FIP1L1: variants seen among roughly 807,000 people sequenced by gnomAD.
FIP1L1 encodes the protein pre-mRNA 3'-end-processing factor FIP1.
Under a neutral mutation model 84.6 loss-of-function variants are expected in FIP1L1, and 21 were observed. The observed-to-expected ratio is 0.25, with a 90% confidence interval of 0.18 to 0.36. The LOEUF (loss-of-function observed/expected upper bound fraction) is 0.36, where lower values mean the gene tolerates loss of function less well. Ranked by LOEUF, FIP1L1 falls within the 10% of genes least tolerant of loss-of-function variation. The probability of loss-of-function intolerance (pLI) is 1.00; values close to 1 mark genes in which losing one functional copy is unlikely to be tolerated. For synonymous variants in FIP1L1, 263 were observed against 242.3 expected, an observed-to-expected ratio of 1.09 and a Z score of -0.80; for missense variants, 526 against 751.1, an observed-to-expected ratio of 0.70 and a Z score of 3.50.
intron 10 of FIP1L1, among the ~76,000 whole-genome samples, chr4:53,400,645 T>G (rs1749731891): frequency 6.6e-6 from 1 of 152,224 alleles, no homozygotes; most frequent in Non-Finnish European, 1.5e-5. Flanking sequence ...TAAGAGACAT[T>G]TTAGAATAAT....
intron 10 of FIP1L1, among the ~76,000 whole-genome samples, chr4:53,409,336 G>A (rs1344300738): frequency 1.3e-5 from 2 of 152,192 alleles, no homozygotes; most frequent in Non-Finnish European, 2.9e-5. Context: ...GAATGCTGCT[G>A]TCTGATCGTT....
Position 53,460,442 on chromosome 4 carries a change from C to T in FIP1L1, c.*993C>T. ...AAGTAATCTTAATTAGTATCACATACTAAAAGACAACTATAACTTCTGAAA... is the reference window on the plus strand; with the variant it reads ...AAGTAATCTTAATTAGTATCACATATTAAAAGACAACTATAACTTCTGAAA... On this transcript the variant is annotated 3_prime_UTR_variant, in exon 18 of 18. Transcript: ENST00000337488. 5.2e-6 allele frequency: 1 copy of T among 191,248 alleles called. No homozygotes were observed. 11.8% of individuals were successfully genotyped at this position (191,248 alleles called of 1,614,324 possible). A position where few individuals can be genotyped will look rare whatever the true frequency, so the allele number is the denominator to read the frequency against.
intron 10 of FIP1L1, among the ~76,000 whole-genome samples, chr4:53,403,165 C>A (rs1255161455): frequency 6.6e-6 from 1 of 151,884 alleles, no homozygotes; most frequent in East Asian, 1.9e-4. Context: ...TCAAGAGAAA[C>A]CTTTTTTTTC....
At chr4:53,399,015 G>T (rs930379878) in intron 9 of FIP1L1, among the ~76,000 whole-genome samples, 2 of 152,110 alleles carry the variant, frequency 1.3e-5, no homozygotes, top group East Asian at 3.9e-4. Flanking sequence ...GCCAGGCATG[G>T]TGGTGCACAC....
chr4:53,378,006 C>G lies in FIP1L1; in HGVS notation c.85+83C>G, dbSNP rs545396589. ...CAAACGGCCGGCGTCCCTGGCCTCTCGCGCCGCCGCTTCGGGCCTCTGGTT... is the reference window on the plus strand; with the variant it reads ...CAAACGGCCGGCGTCCCTGGCCTCTGGCGCCGCCGCTTCGGGCCTCTGGTT... On this transcript the variant is annotated intron_variant, in intron 1 of 17. Coordinates refer to ENST00000337488, the MANE Select transcript of FIP1L1 (RefSeq NM_030917.4). 9 of 1,225,418 alleles carry G rather than the reference C, an allele frequency of 7.3e-6. No homozygotes were observed. In the African/African-American group the frequency reaches 1.4e-4, roughly 19 times the overall value. 75.9% of individuals were successfully genotyped at this position (1,225,418 alleles called of 1,614,324 possible).
intron 15 of FIP1L1, among the ~76,000 whole-genome samples, chr4:53,447,844 T>C (rs1173851973): frequency 1.3e-5 from 2 of 152,106 alleles, no homozygotes; most frequent in Non-Finnish European, 2.9e-5. Flanking sequence ...ATTTTAAATA[T>C]TCTTGTGCAT....
intron 6 of FIP1L1, 76 bp downstream of exon 6, chr4:53,389,949 T>C (rs1578192363): frequency 8.8e-7 from 1 of 1,133,990 alleles, no homozygotes; most frequent in East Asian, 2.5e-5. Context: ...AGCTTTTTTT[T>C]TTAGTCGGGG....
chr4:53,379,289 CTAT>C, intron 3 of FIP1L1, 25 bp downstream of exon 3: 1 of 1,564,766 alleles, frequency 6.4e-7, no homozygotes, highest in Non-Finnish European at 8.6e-7. Context: ...CTGTTGATGC[CTAT>C]TACACAGGTT....
At position 53,459,548 on chromosome 4, in the gene FIP1L1, G is replaced by C. The variant is rs1369078516; in HGVS notation, c.*99G>C. 3 of 1,526,320 alleles carry C rather than the reference G, an allele frequency of 2.0e-6. No homozygotes were observed. Among genetic ancestry groups the C allele is most frequent in the Non-Finnish European group, 2.7e-6 (3 of 1,110,606 alleles). The allele number at this position is 1,526,320 out of a possible 1,614,324, so 94.5% of individuals were successfully genotyped here. On this transcript the variant is annotated 3_prime_UTR_variant, in exon 18 of 18. Transcript: ENST00000337488. The stretch of plus-strand genomic sequence containing the variant: ...GTTTAAGAAATTTACCTTAAATCTT[G>C]TTCTGTTTGTTAGTATGAAAAGTTA...
chr4:53,440,018 A>G (rs1771204894), intron 13 of FIP1L1, among the ~76,000 whole-genome samples: 1 of 151,976 alleles, frequency 6.6e-6, no homozygotes, highest in South Asian at 2.1e-4. Flanking sequence ...GGGGGTGTAT[A>G]TATATGAATT....
chr4:53,459,102 A>C (rs2150512772), intron 17 of FIP1L1, among the ~76,000 whole-genome samples, 200 bp from the exon 18 acceptor site: 1 of 152,252 alleles, frequency 6.6e-6, no homozygotes, highest in East Asian at 1.9e-4. Context: ...ATATCAGTGA[A>C]GATGGCCCTA....
At chr4:53,403,038 G>T (rs533646541) in intron 10 of FIP1L1, among the ~76,000 whole-genome samples, 4 of 152,280 alleles carry the variant, frequency 2.6e-5, no homozygotes, top group South Asian at 2.1e-4. Flanking sequence ...GAAATAAGAG[G>T]CCATTGGAAG....
At chr4:53,393,243 G>A (rs1745252835) in intron 9 of FIP1L1, among the ~76,000 whole-genome samples, 1 of 152,120 alleles carries the variant, frequency 6.6e-6, no homozygotes. Flanking sequence ...CATACTATGG[G>A]ACTAAAATGA....
At chr4:53,415,553 G>C (rs114343204) in intron 11 of FIP1L1, among the ~76,000 whole-genome samples, 1 of 149,394 alleles carries the variant, frequency 6.7e-6, no homozygotes, top group Non-Finnish European at 1.5e-5. Flanking sequence ...TTTTGTTAGA[G>C]AATTTTAAGC....
intron 15 of FIP1L1, among the ~76,000 whole-genome samples, chr4:53,445,031 G>T (rs1773596972): frequency 6.6e-6 from 1 of 152,156 alleles, no homozygotes; most frequent in African/African-American, 2.4e-5. Context: ...TAGATAATTT[G>T]ACTTCCAGGC....
chr4:53,459,300 A>G lies in FIP1L1; in HGVS notation c.1638-2A>G. Reference sequence around the variant, plus strand: ...ACCTTTTTTTTTTTTTTTTTTTTCCAGTAATAGTAGACGTCGCCATGAAAG... The same window carrying G: ...ACCTTTTTTTTTTTTTTTTTTTTCCGGTAATAGTAGACGTCGCCATGAAAG... On this transcript the variant is annotated splice_acceptor_variant, in intron 17 of 17. Transcript: ENST00000337488. LOFTEE classifies it high-confidence loss of function. 1 of 1,027,716 alleles carries G rather than the reference A, an allele frequency of 9.7e-7. No homozygotes were observed. Among genetic ancestry groups the G allele is most frequent in the Non-Finnish European group, 1.3e-6 (1 of 775,030 alleles). The allele number at this position is 1,027,716 out of a possible 1,614,324, so 63.7% of individuals were successfully genotyped here. A position where few individuals can be genotyped will look rare whatever the true frequency, so the allele number is the denominator to read the frequency against.
chr4:53,404,940 T>C (rs1217851897), intron 10 of FIP1L1, among the ~76,000 whole-genome samples: 2 of 151,260 alleles, frequency 1.3e-5, no homozygotes, highest in African/African-American at 4.8e-5. Context: ...TGCGAAAATT[T>C]TCTCCCATTT....
chr4:53,405,667 G>A (rs7375646), intron 10 of FIP1L1, among the ~76,000 whole-genome samples: 106,519 of 133,568 alleles, frequency 0.8, 42,619 homozygotes, highest in Middle Eastern at 0.84. Context: ...ATTTGTTTGT[G>A]TCCTCTTTTA....
At chr4:53,401,995 T>C (rs1324734751) in intron 10 of FIP1L1, among the ~76,000 whole-genome samples, 2 of 152,146 alleles carry the variant, frequency 1.3e-5, no homozygotes, top group African/African-American at 4.8e-5. Flanking sequence ...CACTCCCTTG[T>C]ATGTCAGGAA....
Sources: gnomAD v4.1 joint callset for allele counts (sites outside exome capture counted in the v4.1 genomes callset) on GRCh38, gnomAD v4.1.1 for gene constraint, MANE v1.5 for transcripts, NCBI Gene and HGNC (gene_info 2026-07-23, HGNC 2026-07-21) for gene names.